The following PPFIA3 variants were observed in gnomAD, a reference collection of about 807,000 sequenced individuals.
PPFIA3 encodes PPFI scaffold protein A3.
PPFIA3 carries 26 observed loss-of-function variants against 145.8 expected under a neutral mutation model. That is an observed-to-expected ratio of 0.18 (90% CI 0.13 to 0.25). The LOEUF (loss-of-function observed/expected upper bound fraction) is 0.25. PPFIA3 is among the 10% of genes least tolerant of loss of function. The pLI is 1.00. For synonymous variants in PPFIA3, 645 were observed against 661.4 expected (o/e 0.98, Z 0.38); for missense variants, 1,008 against 1,587.8 (o/e 0.63, Z 6.21).
intron 21 of PPFIA3, 21 bp from the exon 22 acceptor site, chr19:49,145,922 T>C (rs566237945): frequency 6.2e-7 from 1 of 1,611,992 alleles, no homozygotes; most frequent in South Asian, 1.1e-5. Flanking sequence ...CCACCATCCA[T>C]TAACACTCCC....
intron 18 of PPFIA3, among the ~76,000 whole-genome samples, chr19:49,140,804 A>G (rs979757787): frequency 9.3e-5 from 14 of 150,714 alleles, no homozygotes; most frequent in Non-Finnish European, 1.3e-4. Context: ...ACAGGCGCCC[A>G]CCACCACGCC....
chr19:49,134,611 C>G (rs1366726431), intron 11 of PPFIA3, 28 bp from the exon 12 acceptor site: 1 of 1,609,910 alleles, frequency 6.2e-7, no homozygotes. Flanking sequence ...TCAGGCCTCA[C>G]TCCCTCACTT....
At chr19:49,125,064 C>G (rs896751524) in intron 1 of PPFIA3, among the ~76,000 whole-genome samples, 4 of 151,428 alleles carry the variant, frequency 2.6e-5, no homozygotes, top group Non-Finnish European at 5.9e-5. Context: ...GAGACTCCGT[C>G]TCAAAAAAAA....
chr19:49,149,520 C>T lies in PPFIA3; in HGVS notation c.3355-27C>T, dbSNP rs762080013. ...GGAGTCAGACAAGGCAGGAGTCCCT[C>T]ACCGGCTGTCCGGCTCCTATACCTA... is the stretch of plus-strand genomic sequence containing the variant. On this transcript the variant is annotated intron_variant, in intron 27 of 29. Transcript: ENST00000334186. The surrounding 1 kb of genome is among the most constrained non-coding windows in gnomAD (Gnocchi z 5.7). 2.6e-5 allele frequency: 42 copies of T among 1,613,586 alleles called. No homozygotes were observed. The highest frequency in any genetic ancestry group is 3.6e-5 in the Non-Finnish European group (42 of 1,179,832).
chr19:49,123,622 A>G (rs2040962985), intron 1 of PPFIA3, among the ~76,000 whole-genome samples: 1 of 151,648 alleles, frequency 6.6e-6, no homozygotes, highest in Admixed American at 6.6e-5. Flanking sequence ...TTGTGTTTTT[A>G]GTAGAGATGG....
intron 18 of PPFIA3, among the ~76,000 whole-genome samples, chr19:49,140,557 G>A (rs1267620654): frequency 6.7e-6 from 1 of 150,358 alleles, no homozygotes; most frequent in African/African-American, 2.5e-5. Context: ...CCTCATGTTG[G>A]CCAGGCTGGT....
Position 49,149,480 on chromosome 19 carries a change from G to T in PPFIA3, c.3355-67G>T, listed in dbSNP as rs1055906625. Reference sequence around the variant, plus strand: ...GAGGTGAGACCCGGAGAGGGGTGGAGTCAAAGGAAGGGGCGGAGTCAGACA... The same window carrying T: ...GAGGTGAGACCCGGAGAGGGGTGGATTCAAAGGAAGGGGCGGAGTCAGACA... On this transcript the variant is annotated intron_variant, in intron 27 of 29. Coordinates refer to ENST00000334186, the MANE Select transcript of PPFIA3 (RefSeq NM_003660.4). This position sits in a 1 kb window ranked among gnomAD's most constrained non-coding sequence, Gnocchi z 5.7. 3 of 1,602,346 alleles carry T rather than the reference G, an allele frequency of 1.9e-6. No individual in the cohort carries two copies. Among genetic ancestry groups the T allele is most frequent in the Non-Finnish European group, 2.6e-6 (3 of 1,171,226 alleles).
chr19:49,134,276 C>T, intron 11 of PPFIA3, 111 bp downstream of exon 11: 1 of 1,399,870 alleles, frequency 7.1e-7, no homozygotes, highest in Non-Finnish European at 9.6e-7. Context: ...CCTCCCTAAA[C>T]CCCGGCATCC....
chr19:49,127,799 TCA>T, intron 1 of PPFIA3, 58 bp from the exon 2 acceptor site: 3 of 1,560,442 alleles, frequency 1.9e-6, no homozygotes, highest in South Asian at 1.2e-5. Context: ...TGGCTGTGCC[TCA>T]GTTTCTCTGT....
chr19:49,122,078 A>AT (rs4002359), intron 1 of PPFIA3, among the ~76,000 whole-genome samples: 11,847 of 131,778 alleles, frequency 0.09, 1,644 homozygotes, highest in African/African-American at 0.29. Flanking sequence ...CCAGATGCCA[A>AT]TTTTTTTTTT....
At chr19:49,134,779 G>T in intron 12 of PPFIA3, 57 bp from the exon 13 acceptor site, 1 of 1,610,776 alleles carries the variant, frequency 6.2e-7, no homozygotes, top group Non-Finnish European at 8.5e-7. Flanking sequence ...TCTGGCAGGG[G>T]CTGTTCCTCC....
rs1400216166 is a variant in PPFIA3, at chr19:49,149,782, A to G, written c.3526+64A>G. 4 of 1,528,852 alleles carry G rather than the reference A, an allele frequency of 2.6e-6. No individual in the cohort carries two copies. Among genetic ancestry groups the G allele is most frequent in the Non-Finnish European group, 2.6e-6 (3 of 1,139,374 alleles). The allele number at this position is 1,528,852 out of a possible 1,614,324, so 94.7% of individuals were successfully genotyped here. ...CCTAGGGTGGGGCATGGACCACCTC[A>G]GTAGTCCGGGTTCTGGAATGGCCTA... On this transcript the variant is annotated intron_variant, in intron 28 of 29. Transcript: ENST00000334186. This position sits in a 1 kb window ranked among gnomAD's most constrained non-coding sequence, Gnocchi z 5.7.
chr19:49,135,892 G>T lies in PPFIA3; in HGVS notation c.1634G>T (p.Arg545Leu). 1 of 1,612,970 alleles carries T rather than the reference G, an allele frequency of 6.2e-7. No individual in the cohort carries two copies. The highest frequency in any genetic ancestry group is 8.5e-7 in the Non-Finnish European group (1 of 1,179,528). ...AGTGGTCGGGCAGGCAAGAGGGGCC[G>T]CTGGTCAGGGGTCAAGGAGGAGCCC... ...AGSGRAGKRGRWSGVKEEPSK... is the reference protein window; with the variant it reads ...AGSGRAGKRGLWSGVKEEPSK... The change falls in exon 14 of 30, where the codon CGC (arginine) becomes CTC (leucine). Residue 545 changes from arginine to leucine, a missense_variant. By Grantham distance (102) the Arg-to-Leu change is moderately radical. This residue lies in a region of PPFIA3 where 121 missense variants were observed against 138.2 expected (regional missense o/e 0.88). Coordinates refer to ENST00000334186, the MANE Select transcript of PPFIA3 (RefSeq NM_003660.4).
intron 7 of PPFIA3, among the ~76,000 whole-genome samples, chr19:49,131,224 A>G (rs2041067005): frequency 7.6e-6 from 1 of 130,832 alleles, no homozygotes. Flanking sequence ...GCTGGAGTGC[A>G]GTGTCGGGAT....
Position 49,139,132 on chromosome 19 carries a change from C to A in PPFIA3, c.2077-536C>A, listed in dbSNP as rs78633279. ...TGTAACTCATTAGCTTTCTTTGAGG[C>A]CTGACCAACATGGTGAAACCCCATC... On this transcript the variant is annotated intron_variant, in intron 16 of 29. Transcript: ENST00000334186. Among the ~76,000 whole-genome samples the A allele has an allele frequency of 6.7e-4, 102 of 152,188 alleles. 2 individuals carry two copies. The East Asian group carries it at 0.019, about 29-fold the overall frequency.
At position 49,149,824 on chromosome 19, in the gene PPFIA3, C is replaced by G. The variant is rs1019262422; in HGVS notation, c.3526+106C>G. ...AATGGCCTAGTCCTTTCTCGCCCACCCCTGAGGAATGGACTGCTCCAACGT... is the reference window on the plus strand; with the variant it reads ...AATGGCCTAGTCCTTTCTCGCCCACGCCTGAGGAATGGACTGCTCCAACGT... On this transcript the variant is annotated intron_variant, in intron 28 of 29. Transcript: ENST00000334186. This position sits in a 1 kb window ranked among gnomAD's most constrained non-coding sequence, Gnocchi z 5.7. The G allele has an allele frequency of 4.4e-6, 6 of 1,373,518 alleles. No individual in the cohort carries two copies. The highest frequency in any genetic ancestry group is 4.9e-6 in the Non-Finnish European group (5 of 1,024,142). The allele number at this position is 1,373,518 out of a possible 1,614,324, so 85.1% of individuals were successfully genotyped here. A position where few individuals can be genotyped will look rare whatever the true frequency, so the allele number is the denominator to read the frequency against.
rs2041028810 is a variant in PPFIA3 at position 49,128,328 on chromosome 19, A to G, written c.241-39A>G. 6.2e-7 allele frequency: 1 copy of G among 1,604,256 alleles called. No homozygotes were observed. Among genetic ancestry groups the G allele is most frequent in the African/African-American group, 1.3e-5 (1 of 74,596 alleles). ...AGTGAATGAAGGAGACAGGGAAAGG[A>G]TTGAGCCGAATGTCCAGATCCTGCC... is the stretch of plus-strand genomic sequence containing the variant. On this transcript the variant is annotated intron_variant, in intron 2 of 29. Coordinates refer to ENST00000334186, the MANE Select transcript of PPFIA3 (RefSeq NM_003660.4). The surrounding 1 kb of genome is among the most constrained non-coding windows in gnomAD (Gnocchi z 4.1).
Position 49,133,359 on chromosome 19 carries a change from G to A in PPFIA3, c.1149G>A (p.Ala383=), listed in dbSNP as rs147018094. 94 of 1,605,370 alleles carry A rather than the reference G, an allele frequency of 5.9e-5. No homozygotes were observed. The African/African-American group carries it at 1.0e-3, about 18-fold the overall frequency. The change falls in exon 9 of 30, where the codon GCG becomes GCA. Residue 383 remains alanine, a synonymous_variant. Transcript: ENST00000334186. This position sits in a 1 kb window ranked among gnomAD's most constrained non-coding sequence, Gnocchi z 7.2. ...AGGCGCAGCTGGCGCAGCGCGTGGC[G>A]GCGCTCAACAAGGTGCGGGGAGGAC... The part of the protein sequence containing the change: ...EIEAQLAQRV[A]ALNKAEERHG...
At position 49,149,538 on chromosome 19, in the gene PPFIA3, T is replaced by G; in HGVS notation, c.3355-9T>G. The G allele has an allele frequency of 6.2e-7, 1 of 1,614,056 alleles. No individual in the cohort carries two copies. The highest frequency in any genetic ancestry group is 8.5e-7 in the Non-Finnish European group (1 of 1,179,982). The stretch of plus-strand genomic sequence containing the variant: ...AGTCCCTCACCGGCTGTCCGGCTCC[T>G]ATACCTAGGACAGCGCCAAGTCTTT... On this transcript the variant is annotated splice_polypyrimidine_tract_variant and intron_variant, in intron 27 of 29. Transcript: ENST00000334186. This position sits in a 1 kb window ranked among gnomAD's most constrained non-coding sequence, Gnocchi z 5.7.
Sources: gnomAD v4.1 joint callset for allele counts (sites outside exome capture counted in the v4.1 genomes callset) on GRCh38, gnomAD v4.1.1 for gene constraint, gnomAD v4.1.1 regional missense constraint, Gnocchi (gnomAD v3.1) non-coding constraint, MANE v1.5 for transcripts, NCBI Gene and HGNC (gene_info 2026-07-23, HGNC 2026-07-21) for gene names.